The following MAP3K7 variants were observed in gnomAD, a reference collection of about 807,000 sequenced individuals.
MAP3K7 encodes mitogen-activated protein kinase kinase kinase 7, also known as TGF-beta activated kinase 1.
A neutral mutation model predicts 84.8 loss-of-function variants in MAP3K7; 21 were observed. The ratio of observed to expected loss-of-function variants is 0.25; its 90% CI spans 0.18 to 0.36. The LOEUF is 0.36. Ranked by LOEUF, MAP3K7 falls within the 10% of genes least tolerant of loss-of-function variation. The pLI is 1.00. For missense variants in MAP3K7, 503 were observed against 747.7 expected, an observed-to-expected ratio of 0.67 and a Z score of 3.82; for synonymous variants, 241 against 247.7, an observed-to-expected ratio of 0.97 and a Z score of 0.25.
At chr6:90,523,535 G>A (rs1179311673) in intron 14 of MAP3K7, 143 bp downstream of exon 14, 2 of 492,848 alleles carry the variant, frequency 4.1e-6, no homozygotes, top group Non-Finnish European at 3.7e-6. Context: ...ATTTTAACAT[G>A]TATTACTAAA....
chr6:90,540,776 T>C (rs1405792211), intron 12 of MAP3K7, among the ~76,000 whole-genome samples: 5 of 151,962 alleles, frequency 3.3e-5, no homozygotes. Context: ...CTTAACTACT[T>C]ATTCTCTTAC....
chr6:90,578,252 G>A (rs1225378674), intron 1 of MAP3K7, among the ~76,000 whole-genome samples: 3 of 152,262 alleles, frequency 2.0e-5, no homozygotes, highest in South Asian at 4.1e-4. Context: ...ACCGGCAGGA[G>A]GACAGGAGTT....
intron 15 of MAP3K7, 72 bp from the exon 16 acceptor site, chr6:90,518,634 C>G: frequency 1.3e-6 from 1 of 777,532 alleles, no homozygotes; most frequent in Non-Finnish European, 2.2e-6. Context: ...AGAGTCAAGA[C>G]AGAGACTGTG....
At chr6:90,583,788 A>C (rs1280359846) in intron 1 of MAP3K7, among the ~76,000 whole-genome samples, 4 of 152,178 alleles carry the variant, frequency 2.6e-5, no homozygotes, top group African/African-American at 9.7e-5. Flanking sequence ...TACCCTGTGT[A>C]ACACTTCTTG....
At chr6:90,551,916 G>T in intron 8 of MAP3K7, 133 bp downstream of exon 8, 1 of 930,412 alleles carries the variant, frequency 1.1e-6, no homozygotes, top group Non-Finnish European at 1.5e-6. Flanking sequence ...AGTAATAAAT[G>T]CCCATTCTCA....
chr6:90,563,456 G>A (rs562492992), intron 3 of MAP3K7, among the ~76,000 whole-genome samples: 2 of 152,292 alleles, frequency 1.3e-5, no homozygotes, highest in South Asian at 2.1e-4. Flanking sequence ...ATTTGATCAA[G>A]TGGAAGAAAG....
Position 90,586,962 on chromosome 6 carries a change from G to C in MAP3K7, c.-79C>G, listed in dbSNP as rs568687875. 1.1e-4 allele frequency: 153 copies of C among 1,451,278 alleles called. No homozygotes were observed. The East Asian group carries it at 3.0e-3, about 29-fold the overall frequency. 89.9% of individuals were successfully genotyped at this position (1,451,278 alleles called of 1,614,324 possible). ...GTGAGACCCGCGCCCACCCGCCTCC[G>C]GACCGACCCTCAGCCTGGAGCCGCG... is the stretch of plus-strand genomic sequence containing the variant. On this transcript the variant is annotated 5_prime_UTR_variant, in exon 1 of 17. Transcript: ENST00000369329.
chr6:90,516,689 C>T lies in MAP3K7; in HGVS notation c.1641-8G>A, dbSNP rs2127953364. On this transcript the variant is annotated splice_polypyrimidine_tract_variant and splice_region_variant and intron_variant, in intron 16 of 16. Coordinates refer to ENST00000369329, the MANE Select transcript of MAP3K7 (RefSeq NM_145331.3). ...TCTGCAACTAGTTCTTGCCTACAAA[C>T]AAATACCACATAATATTACACATGA... 6.3e-7 allele frequency: 1 copy of T among 1,591,592 alleles called. No individual in the cohort carries two copies. The highest frequency in any genetic ancestry group is 8.5e-7 in the Non-Finnish European group (1 of 1,172,496).
chr6:90,579,872 A>G (rs951360494), intron 1 of MAP3K7, among the ~76,000 whole-genome samples: 5 of 151,956 alleles, frequency 3.3e-5, no homozygotes, highest in African/African-American at 1.2e-4. Flanking sequence ...GAGACAGACA[A>G]ACAAAAAATT....
At chr6:90,582,120 G>A (rs139808334) in intron 1 of MAP3K7, among the ~76,000 whole-genome samples, 4 of 152,192 alleles carry the variant, frequency 2.6e-5, no homozygotes, top group African/African-American at 7.2e-5. Flanking sequence ...CTGTAGTAAA[G>A]ACCTACCATA....
At chr6:90,522,873 A>G (rs1005636832) in intron 14 of MAP3K7, among the ~76,000 whole-genome samples, 4 of 152,186 alleles carry the variant, frequency 2.6e-5, no homozygotes, top group African/African-American at 9.7e-5. Flanking sequence ...ATCTTATATA[A>G]AATATCAAAT....
chr6:90,580,126 A>G (rs1232291597), intron 1 of MAP3K7, among the ~76,000 whole-genome samples: 1 of 152,248 alleles, frequency 6.6e-6, no homozygotes, highest in Admixed American at 6.5e-5. Flanking sequence ...ATGTAGAATA[A>G]TAGTATGTCT....
chr6:90,567,474 C>T (rs1052654750), intron 3 of MAP3K7, among the ~76,000 whole-genome samples: 1 of 152,228 alleles, frequency 6.6e-6, no homozygotes, highest in African/African-American at 2.4e-5. Flanking sequence ...TGCTCATCAT[C>T]ACTGGCCATC....
intron 13 of MAP3K7, among the ~76,000 whole-genome samples, chr6:90,531,940 C>G (rs205345): frequency 0.71 from 105,669 of 149,070 alleles, 37,637 homozygotes; most frequent in Middle Eastern, 0.8. Flanking sequence ...TGGCTGACAG[C>G]GGGGACTGTG....
intron 6 of MAP3K7, 52 bp from the exon 7 acceptor site, chr6:90,553,638 T>C (rs1261630515): frequency 1.3e-6 from 2 of 1,515,418 alleles, no homozygotes; most frequent in Non-Finnish European, 1.8e-6. Flanking sequence ...TCCACATGAC[T>C]TACAGAAACA....
At chr6:90,583,183 C>G (rs1479285031) in intron 1 of MAP3K7, among the ~76,000 whole-genome samples, 1 of 152,094 alleles carries the variant, frequency 6.6e-6, no homozygotes, top group Non-Finnish European at 1.5e-5. Flanking sequence ...GCACCAAGCC[C>G]TATTTATCTT....
chr6:90,580,892 T>C (rs1313060256), intron 1 of MAP3K7, among the ~76,000 whole-genome samples: 1 of 152,256 alleles, frequency 6.6e-6, no homozygotes, highest in Non-Finnish European at 1.5e-5. Context: ...TTTGATTAAT[T>C]ACTTTATGAT....
chr6:90,579,961 A>G (rs560716230), intron 1 of MAP3K7, among the ~76,000 whole-genome samples: 382 of 152,358 alleles, frequency 2.5e-3, no homozygotes, highest in African/African-American at 8.9e-3. Flanking sequence ...AGGCTATGTA[A>G]AACAGCACTC....
At chr6:90,532,270 C>A (rs1363111131) in intron 13 of MAP3K7, among the ~76,000 whole-genome samples, 1 of 152,070 alleles carries the variant, frequency 6.6e-6, no homozygotes, top group Non-Finnish European at 1.5e-5. Flanking sequence ...TACTTCTTTC[C>A]AAGTGCTATT....
Sources: gnomAD v4.1 joint callset for allele counts (sites outside exome capture counted in the v4.1 genomes callset) on GRCh38, gnomAD v4.1.1 for gene constraint, MANE v1.5 for transcripts, NCBI Gene and HGNC (gene_info 2026-07-23, HGNC 2026-07-21) for gene names.